The following PDE3B variants were observed in gnomAD, a reference collection of about 807,000 sequenced individuals.
The protein encoded by PDE3B is phosphodiesterase 3B.
A neutral mutation model predicts 116.8 loss-of-function variants in PDE3B; 66 were observed. That is an observed-to-expected ratio of 0.56 (90% CI 0.46 to 0.69). The LOEUF is 0.69. Ranked by LOEUF, PDE3B falls within the 30% of genes least tolerant of loss-of-function variation. The probability of loss-of-function intolerance (pLI) is 0.00; values close to 1 mark genes in which losing one functional copy is unlikely to be tolerated. For synonymous variants in PDE3B, 595 were observed against 533.6 expected (o/e 1.12, Z -1.59); for missense variants, 1,384 against 1,368.1 (o/e 1.01, Z -0.18).
chr11:14,656,038 T>A (rs543477307), intron 1 of PDE3B, among the ~76,000 whole-genome samples: 4 of 152,226 alleles, frequency 2.6e-5, no homozygotes, highest in South Asian at 4.1e-4. Context: ...GATCAGAGAA[T>A]GAAAATATTG....
intron 11 of PDE3B, among the ~76,000 whole-genome samples, chr11:14,842,718 C>T (rs1484972820): frequency 6.6e-6 from 1 of 152,134 alleles, no homozygotes; most frequent in Non-Finnish European, 1.5e-5. Flanking sequence ...CTAGCTGCTG[C>T]ACTCCAACCT....
chr11:14,867,950 C>T (rs569545856), intron 15 of PDE3B, among the ~76,000 whole-genome samples, 192 bp downstream of exon 15: 5 of 152,106 alleles, frequency 3.3e-5, no homozygotes, highest in Middle Eastern at 3.2e-3. Flanking sequence ...TGCAAATATT[C>T]CAAAATCAGA....
the PDE3B span, among the ~76,000 whole-genome samples, chr11:14,885,238 C>T: frequency 1.5e-3 from 225 of 152,142 alleles, 1 homozygote; most frequent in Non-Finnish European, 1.8e-3. Context: ...TTCTTCTTAC[C>T]GATTTTGTCA....
At chr11:14,757,152 A>G (rs1186402513) in intron 1 of PDE3B, among the ~76,000 whole-genome samples, 7 of 152,096 alleles carry the variant, frequency 4.6e-5, no homozygotes, top group Non-Finnish European at 7.4e-5. Flanking sequence ...TTATGGCTGC[A>G]TAGTACTCCA....
At chr11:14,756,901 A>G (rs1249992230) in intron 1 of PDE3B, among the ~76,000 whole-genome samples, 3 of 148,890 alleles carry the variant, frequency 2.0e-5, no homozygotes, top group Non-Finnish European at 4.5e-5. Flanking sequence ...TGCTGCACCC[A>G]CTAACTCGTC....
intron 1 of PDE3B, among the ~76,000 whole-genome samples, chr11:14,670,755 A>C (rs1854339571): frequency 6.6e-6 from 1 of 152,146 alleles, no homozygotes; most frequent in African/African-American, 2.4e-5. Flanking sequence ...TTTACGTAAG[A>C]GGAAATGTGT....
intron 12 of PDE3B, among the ~76,000 whole-genome samples, chr11:14,847,343 G>A (rs1447830604): frequency 6.6e-6 from 1 of 151,340 alleles, no homozygotes; most frequent in African/African-American, 2.4e-5. Flanking sequence ...TCAAAGCAGT[G>A]TGTAGAGGGA....
At position 14,871,356 on chromosome 11, in the gene PDE3B, T is replaced by C. The variant is rs1399049432; in HGVS notation, c.*1696T>C. On this transcript the variant is annotated 3_prime_UTR_variant, in exon 16 of 16. Transcript: ENST00000282096. ...CCACCACTTATTACTAATAAAATTTTGACTGATAATTTATATTTGCACTTA... is the reference window on the plus strand; with the variant it reads ...CCACCACTTATTACTAATAAAATTTCGACTGATAATTTATATTTGCACTTA... 1 of 152,178 alleles carries C rather than the reference T, an allele frequency of 6.6e-6. No individual in the cohort carries two copies. Among genetic ancestry groups the C allele is most frequent in the African/African-American group, 2.4e-5 (1 of 41,464 alleles). 9.4% of individuals were successfully genotyped at this position (152,178 alleles called of 1,614,324 possible).
At chr11:14,664,988 C>T (rs890911739) in intron 1 of PDE3B, among the ~76,000 whole-genome samples, 2 of 152,204 alleles carry the variant, frequency 1.3e-5, no homozygotes, top group African/African-American at 4.8e-5. Context: ...AGACCAATAT[C>T]CTTGATGAAC....
chr11:14,816,364 T>C (rs545812849), intron 5 of PDE3B, among the ~76,000 whole-genome samples: 38 of 152,362 alleles, frequency 2.5e-4, no homozygotes, highest in African/African-American at 8.4e-4. Flanking sequence ...CCTGAAAATA[T>C]TGTAGCTCCT....
Position 14,644,955 on chromosome 11 carries a change from A to C in PDE3B, c.880A>C (p.Arg294=). The C allele has an allele frequency of 6.2e-7, 1 of 1,614,032 alleles. No homozygotes were observed. Among genetic ancestry groups the C allele is most frequent in the Non-Finnish European group, 8.5e-7 (1 of 1,180,014 alleles). ...AGTGCCTGTGATCCGACCCCGGAGGAGGTCCAGCTGCGTGTCGTTAGGAGA... is the reference window on the plus strand; with the variant it reads ...AGTGCCTGTGATCCGACCCCGGAGGCGGTCCAGCTGCGTGTCGTTAGGAGA... The part of the protein sequence containing the change: ...EKVPVIRPRR[R]SSCVSLGETA... The change falls in exon 1 of 16, where the codon AGG becomes CGG. Residue 294 remains arginine (R), a synonymous_variant. Transcript: ENST00000282096.
intron 15 of PDE3B, 112 bp from the exon 16 acceptor site, chr11:14,869,349 C>A: frequency 1.6e-6 from 1 of 636,000 alleles, no homozygotes; most frequent in Non-Finnish European, 2.6e-6. Context: ...TTTTATAGTA[C>A]TGTTTACTTT....
the PDE3B span, among the ~76,000 whole-genome samples, chr11:14,897,756 C>A: frequency 6.6e-6 from 1 of 152,052 alleles, no homozygotes; most frequent in African/African-American, 2.4e-5. Flanking sequence ...CAGGAATACC[C>A]GGCTTTCTAA....
intron 1 of PDE3B, among the ~76,000 whole-genome samples, chr11:14,742,383 G>A (rs1470967325): frequency 1.3e-5 from 2 of 151,988 alleles, no homozygotes; most frequent in East Asian, 1.9e-4. Context: ...TTCAGCTATC[G>A]ATACTTGTGT....
At chr11:14,824,966 C>T (rs1342100902) in intron 7 of PDE3B, among the ~76,000 whole-genome samples, 1 of 151,672 alleles carries the variant, frequency 6.6e-6, no homozygotes, top group East Asian at 1.9e-4. Context: ...AGAGCCTGGG[C>T]TCCTATATTC....
intron 4 of PDE3B, among the ~76,000 whole-genome samples, chr11:14,791,282 G>A (rs1213590516): frequency 6.6e-6 from 1 of 152,024 alleles, no homozygotes; most frequent in Admixed American, 6.6e-5. Context: ...TTGATTTTGA[G>A]TCTTGAGCTT....
chr11:14,877,535 A>T, the PDE3B span: 1 of 152,256 alleles, frequency 6.6e-6, no homozygotes, highest in Non-Finnish European at 1.5e-5. Context: ...ATTTATAAGA[A>T]GAATGACACA....
chr11:14,768,870 A>T (rs1857564013), intron 1 of PDE3B, among the ~76,000 whole-genome samples: 1 of 151,536 alleles, frequency 6.6e-6, no homozygotes, highest in Admixed American at 6.6e-5. Flanking sequence ...CTGCTCTAAG[A>T]TGTGTACCTA....
chr11:14,885,309 T>C, the PDE3B span, among the ~76,000 whole-genome samples: 3 of 152,150 alleles, frequency 2.0e-5, no homozygotes, highest in Non-Finnish European at 4.4e-5. Context: ...TACTAAACCA[T>C]ACAGAATGCT....
Sources: allele counts gnomAD v4.1 joint callset (sites outside exome capture counted in the v4.1 genomes callset), GRCh38; gene constraint gnomAD v4.1.1; transcripts MANE v1.5; gene names NCBI Gene and HGNC (gene_info 2026-07-23, HGNC 2026-07-21).